The following KIAA1210 variants were observed in gnomAD, a reference collection of about 807,000 sequenced individuals.
KIAA1210 encodes acrosomal protein KIAA1210.
Under a neutral mutation model 78.9 loss-of-function variants are expected in KIAA1210, and 48 were observed. The observed-to-expected ratio is 0.61, with a 90% CI of 0.48 to 0.77. The LOEUF (loss-of-function observed/expected upper bound fraction) is 0.77, where lower values mean the gene tolerates loss of function less well. Ranked by LOEUF, KIAA1210 falls within the 30% of genes least tolerant of loss-of-function variation. The pLI, the probability that KIAA1210 is intolerant of heterozygous loss-of-function variation, is 0.00. For synonymous variants in KIAA1210, 406 were observed against 404.5 expected (o/e 1.00, Z -0.04); for missense variants, 1,108 against 1,100.0 (o/e 1.01, Z -0.10).
At chrX:119,114,930 T>C (rs1019249330) in intron 3 of KIAA1210, among the ~76,000 whole-genome samples, 7 of 112,232 alleles carry the variant, frequency 6.2e-5, no homozygotes, top group Admixed American at 9.5e-5. Flanking sequence ...AAGTATATTA[T>C]TACAACAGCA....
At chrX:119,106,011 T>G (rs1157610557) in intron 5 of KIAA1210, among the ~76,000 whole-genome samples, 1 of 111,821 alleles carries the variant, frequency 8.9e-6, no homozygotes, top group East Asian at 2.8e-4. Context: ...TACTTGCTTC[T>G]GTTGTAGACT....
At chrX:119,129,341 T>G (rs771771957), upstream of KIAA1210, among the ~76,000 whole-genome samples, 10 of 110,367 alleles carry the variant, frequency 9.1e-5, no homozygotes, top group African/African-American at 3.0e-4. Flanking sequence ...CACTGGGGGG[T>G]TTGGAGCAGG....
At chrX:119,101,328 G>A (rs1255763189) in intron 6 of KIAA1210, among the ~76,000 whole-genome samples, 1 of 111,980 alleles carries the variant, frequency 8.9e-6, no homozygotes, top group African/African-American at 3.2e-5. Flanking sequence ...CTTAAATAAG[G>A]GGATTACCAG....
At chrX:119,099,784 G>T (rs191348290) in intron 6 of KIAA1210, among the ~76,000 whole-genome samples, 1 of 111,977 alleles carries the variant, frequency 8.9e-6, no homozygotes, top group Non-Finnish European at 1.9e-5. Flanking sequence ...TGAGTAAGAA[G>T]ATCAGGGGAA....
intron 1 of KIAA1210, among the ~76,000 whole-genome samples, chrX:119,124,019 C>T (rs1011306338): frequency 1.1e-4 from 12 of 110,867 alleles, no homozygotes; most frequent in African/African-American, 3.6e-4. Context: ...TGTTTTTTTA[C>T]AGGATCTTGC....
chrX:119,109,726 C>T (rs994319438), intron 3 of KIAA1210, among the ~76,000 whole-genome samples: 5 of 111,573 alleles, frequency 4.5e-5, no homozygotes, highest in Admixed American at 9.6e-5. Context: ...AAATTTCTCT[C>T]GTGTTTTTGT....
At position 119,143,119 on chromosome X, in the gene KIAA1210, C is replaced by A. The variant is rs759547502; in HGVS notation, c.410+4354G>T. ...GTCTTCTCCACCAGAAGGTTTTCCTCCCCATGGTGCTAATGACCTGTGTTC... is the reference window on the plus strand; with the variant it reads ...GTCTTCTCCACCAGAAGGTTTTCCTACCCATGGTGCTAATGACCTGTGTTC... On this transcript the variant is annotated intron_variant, in intron 2 of 13. Transcript: ENST00000402510. 2.7e-5 allele frequency among the ~76,000 whole-genome samples: 3 copies of A among 112,685 alleles called. No individual in the cohort carries two copies. The East Asian group carries it at 8.3e-4, about 31-fold the overall frequency.
intron 6 of KIAA1210, among the ~76,000 whole-genome samples, chrX:119,100,104 C>T (rs764277014): frequency 1.8e-5 from 2 of 109,677 alleles, no homozygotes; most frequent in Non-Finnish European, 3.8e-5. Context: ...TAGCAGATCG[C>T]GAGGTCAGGA....
In KIAA1210 at chrX:119,123,671, C is replaced by CA; in HGVS notation, c.-10-20dup. 9.4e-7 allele frequency: 1 copy of CA among 1,066,205 alleles called. No homozygotes were observed. Among genetic ancestry groups the CA allele is most frequent in the Non-Finnish European group, 1.3e-6 (1 of 771,365 alleles). The allele number at this position is 1,066,205 out of a possible 1,213,427, so 87.9% of individuals were successfully genotyped here. ...AGGATGACTAAAATAAAATACAAAG[C>CA]AAAAAAGCAAAATATCATCATTTGA... On this transcript the variant is annotated intron_variant, in intron 1 of 11. Coordinates refer to ENST00000691062, the MANE Select transcript of KIAA1210 (RefSeq NM_001394962.1).
intron 6 of KIAA1210, among the ~76,000 whole-genome samples, chrX:119,100,494 A>G (rs767674540): frequency 9.0e-6 from 1 of 110,680 alleles, no homozygotes; most frequent in South Asian, 3.9e-4. Flanking sequence ...ACTCCCCTCC[A>G]ACCCTACTTC....
Position 119,083,002 on chromosome X carries a change from T to TGTA in KIAA1210, c.4426+10_4426+12dup. 6 of 1,144,413 alleles carry TGTA rather than the reference T, an allele frequency of 5.2e-6. No homozygotes were observed. Among genetic ancestry groups the TGTA allele is most frequent in the Non-Finnish European group, 7.1e-6 (6 of 844,057 alleles). 94.3% of individuals were successfully genotyped at this position (1,144,413 alleles called of 1,213,427 possible). Reference sequence around the variant, plus strand: ...GGGGCTGTTTTTTGAGAGGTCAGAATGTATGCTTTTACCTGATTTTGTAGG... The same window carrying TGTA: ...GGGGCTGTTTTTTGAGAGGTCAGAATGTAGTATGCTTTTACCTGATTTTGTAGG... On this transcript the variant is annotated intron_variant, in intron 11 of 11. Coordinates refer to ENST00000691062, the MANE Select transcript of KIAA1210 (RefSeq NM_001394962.1).
rs776297347 is a variant in KIAA1210, at chrX:119,116,619, T to C, written c.107A>G (p.Lys36Arg). The C allele has an allele frequency of 8.3e-7, 1 of 1,207,346 alleles. No individual in the cohort carries two copies. Among genetic ancestry groups the C allele is most frequent in the South Asian group, 1.8e-5 (1 of 56,205 alleles). The change falls in exon 3 of 12, where the codon AAG (lysine) becomes AGG (arginine). Residue 36 changes from lysine to arginine, a missense_variant. Coordinates refer to ENST00000691062, the MANE Select transcript of KIAA1210 (RefSeq NM_001394962.1). ...KFKALKSFFV[K>R]KKEKEAEDTQ... ...ATCTTCGGCTTCTTTTTCCTTCTTC[T>C]TAACAAAAAAGCTCTTAAGGGCTTT...
intron 10 of KIAA1210, 69 bp downstream of exon 10, chrX:119,085,314 C>T: frequency 9.5e-7 from 1 of 1,052,874 alleles, no homozygotes; most frequent in Admixed American, 2.7e-5. Flanking sequence ...GGCAAAGTTC[C>T]CAATAGAAAC....
At position 119,105,152 on chromosome X, in the gene KIAA1210, CAA is replaced by C; in HGVS notation, c.493-7_493-6del. On this transcript the variant is annotated splice_region_variant and splice_polypyrimidine_tract_variant and intron_variant, in intron 5 of 11. Coordinates refer to ENST00000691062, the MANE Select transcript of KIAA1210 (RefSeq NM_001394962.1). ...GCGTCGGCGCGATGGTGGGTTCTGT[CAA>C]GAGGGAGAATAGAAGGAACAATTTA... The C allele has an allele frequency of 2.5e-6, 3 of 1,190,118 alleles. No homozygotes were observed. The highest frequency in any genetic ancestry group is 3.4e-6 in the Non-Finnish European group (3 of 886,083).
rs763961012 is a variant in KIAA1210, at chrX:119,108,372, T to C, written c.457A>G (p.Ser153Gly). 2 of 1,210,850 alleles carry C rather than the reference T, an allele frequency of 1.7e-6. No homozygotes were observed. The highest frequency in any genetic ancestry group is 3.5e-5 in the South Asian group (2 of 56,890). ...TTGGGGCCAGCAACCCAGACTGCACTTGTAGGCACATTTTGAAGCACAGCT... is the reference window on the plus strand; with the variant it reads ...TTGGGGCCAGCAACCCAGACTGCACCTGTAGGCACATTTTGAAGCACAGCT... Reference protein sequence around the residue: ...SGAVLQNVPTSAVWVAGPKIT... With the variant: ...SGAVLQNVPTGAVWVAGPKIT... Residue 153 changes from serine (S) to glycine (G), a missense_variant, in exon 5 of 12, where the codon AGT (serine) becomes GGT (glycine). Physicochemically the swap from Ser to Gly is moderately conservative, Grantham distance 56 (BLOSUM62 0). This residue lies in a region of KIAA1210 where 672 missense variants were observed against 607.1 expected (regional missense o/e 1.11). Transcript: ENST00000691062.
chrX:119,095,687 C>A (rs1041749633), intron 7 of KIAA1210, among the ~76,000 whole-genome samples: 1 of 112,432 alleles, frequency 8.9e-6, no homozygotes, highest in African/African-American at 3.2e-5. Flanking sequence ...TGCACCCAGC[C>A]CTAATCCTTA....
chrX:119,109,914 T>C (rs1381447314), intron 3 of KIAA1210, among the ~76,000 whole-genome samples: 1 of 111,760 alleles, frequency 8.9e-6, no homozygotes, highest in East Asian at 2.8e-4. Flanking sequence ...TACCTTCTGA[T>C]TGGGAATGGT....
intron 11 of KIAA1210, 119 bp downstream of exon 11, chrX:119,082,896 C>A: frequency 2.3e-6 from 1 of 439,653 alleles, no homozygotes; most frequent in South Asian, 4.9e-5. Context: ...AAGAGCCACG[C>A]GAGAAATCAT....
chrX:119,148,732 A>T (rs1408182197), intron 1 of KIAA1210, among the ~76,000 whole-genome samples: 1 of 111,644 alleles, frequency 9.0e-6, no homozygotes, highest in Non-Finnish European at 1.9e-5. Flanking sequence ...TGATTAGAGC[A>T]AAGTGCCAAT....
Sources: gnomAD v4.1 joint callset for allele counts (sites outside exome capture counted in the v4.1 genomes callset) on GRCh38, gnomAD v4.1.1 for gene constraint, gnomAD v4.1.1 regional missense constraint, MANE v1.5 for transcripts, NCBI Gene and HGNC (gene_info 2026-07-23, HGNC 2026-07-21) for gene names.